The following CTNNA3 variants were observed in gnomAD, a reference collection of about 807,000 sequenced individuals.
CTNNA3 encodes the protein catenin alpha-3.
CTNNA3 carries 76 observed loss-of-function variants against 95.7 expected under a neutral mutation model. That is an observed-to-expected ratio of 0.79 (90% confidence interval 0.66 to 0.96). The LOEUF (loss-of-function observed/expected upper bound fraction) is 0.96. CTNNA3 is among the 40% of genes least tolerant of loss of function. The pLI, the probability that CTNNA3 is intolerant of heterozygous loss-of-function variation, is 0.00. For synonymous variants in CTNNA3, 431 were observed against 374.4 expected (o/e 1.15, Z -1.74); for missense variants, 1,191 against 1,089.8 (o/e 1.09, Z -1.31).
intron 5 of CTNNA3, among the ~76,000 whole-genome samples, chr10:67,407,156 C>T (rs1845167440): frequency 6.6e-6 from 1 of 151,950 alleles, no homozygotes; most frequent in Non-Finnish European, 1.5e-5. Flanking sequence ...AACATTGATA[C>T]CAAAAATCCT....
chr10:67,630,766 T>C (rs1839119519), intron 2 of CTNNA3, among the ~76,000 whole-genome samples: 1 of 152,188 alleles, frequency 6.6e-6, no homozygotes, highest in Non-Finnish European at 1.5e-5. Flanking sequence ...ACATGGGATA[T>C]ATTTACAGTC....
At chr10:66,389,582 A>G (rs1433307529) in intron 11 of CTNNA3, among the ~76,000 whole-genome samples, 1 of 152,118 alleles carries the variant, frequency 6.6e-6, no homozygotes, top group Admixed American at 6.6e-5. Context: ...ATGTTTTACT[A>G]AAAGATACTT....
chr10:67,289,214 T>C (rs1468818380), intron 5 of CTNNA3, among the ~76,000 whole-genome samples: 1 of 152,096 alleles, frequency 6.6e-6, no homozygotes, highest in Non-Finnish European at 1.5e-5. Context: ...CTTTGGAGAG[T>C]ACTGTACTAT....
At chr10:66,597,861 C>T (rs1843779343) in intron 10 of CTNNA3, among the ~76,000 whole-genome samples, 1 of 151,744 alleles carries the variant, frequency 6.6e-6, no homozygotes, top group Non-Finnish European at 1.5e-5. Flanking sequence ...ACCTACCTTA[C>T]AAGAAATGGG....
At chr10:67,746,033 C>T (rs1448012329) in intron 1 of CTNNA3, among the ~76,000 whole-genome samples, 4 of 152,072 alleles carry the variant, frequency 2.6e-5, no homozygotes, top group Admixed American at 6.6e-5. Flanking sequence ...CAACCACTAT[C>T]GAAATACCAA....
At chr10:66,360,909 C>G (rs10997085) in intron 12 of CTNNA3, among the ~76,000 whole-genome samples, 47,830 of 132,412 alleles carry the variant, frequency 0.36, 10,058 homozygotes, top group Non-Finnish European at 0.47. Flanking sequence ...TTCTCTCTCT[C>G]TCTCTCTTTC....
intron 7 of CTNNA3, among the ~76,000 whole-genome samples, chr10:67,060,886 T>A (rs999847522): frequency 2.6e-5 from 4 of 152,322 alleles, no homozygotes; most frequent in African/African-American, 9.6e-5. Flanking sequence ...CTAGTTTTTT[T>A]AAATTGTTTT....
intron 5 of CTNNA3, among the ~76,000 whole-genome samples, chr10:67,368,059 T>C (rs1173359744): frequency 6.6e-6 from 1 of 151,958 alleles, no homozygotes; most frequent in African/African-American, 2.4e-5. Flanking sequence ...GGAAAAGGGC[T>C]TACAGAGCTC....
intron 7 of CTNNA3, among the ~76,000 whole-genome samples, chr10:67,096,509 C>A (rs1023516378): frequency 4.6e-5 from 7 of 151,872 alleles, no homozygotes; most frequent in Non-Finnish European, 1.0e-4. Context: ...ATGGCAGAAG[C>A]TTTTATCCTC....
intron 7 of CTNNA3, chr10:66,926,738 TTAAC>T (rs543818726): frequency 8.0e-4 from 850 of 1,060,372 alleles, no homozygotes; most frequent in Non-Finnish European, 1.0e-3. Flanking sequence ...GTTTCCTTGT[TTAAC>T]TATTTAAAAA....
At chr10:66,263,825 A>G (rs1052851127) in intron 13 of CTNNA3, among the ~76,000 whole-genome samples, 36 of 152,020 alleles carry the variant, frequency 2.4e-4, no homozygotes, top group African/African-American at 7.7e-4. Context: ...TTGATCATCT[A>G]TATTCCCAGA....
intron 9 of CTNNA3, among the ~76,000 whole-genome samples, chr10:66,632,886 A>C (rs1845196271): frequency 6.6e-6 from 1 of 152,136 alleles, no homozygotes; most frequent in South Asian, 2.1e-4. Context: ...AAAATGGACA[A>C]AATATTTAAA....
At chr10:67,727,576 T>A (rs1841244226) in intron 1 of CTNNA3, among the ~76,000 whole-genome samples, 1 of 128,842 alleles carries the variant, frequency 7.8e-6, no homozygotes, top group Non-Finnish European at 1.6e-5. Context: ...ATATGTAGCA[T>A]AATATATGAT....
intron 7 of CTNNA3, among the ~76,000 whole-genome samples, chr10:66,826,043 G>GA (rs1373081364): frequency 6.6e-6 from 1 of 152,150 alleles, no homozygotes; most frequent in Admixed American, 6.5e-5. Flanking sequence ...ATTTTTAGGG[G>GA]AGGAGTGAAA....
rs571463214 is a variant in CTNNA3 at position 66,983,067 on chromosome 10, G to T, written c.1047+197250C>A. 7.9e-5 allele frequency among the ~76,000 whole-genome samples: 12 copies of T among 152,218 alleles called. No individual in the cohort carries two copies. In the South Asian group the frequency reaches 2.5e-3, roughly 32 times the overall value. ...CTGCCGAACTTCCTGGTCAAGCAGGGGTTTTTTGATTTCATAAATCAATTA... is the reference window on the plus strand; with the variant it reads ...CTGCCGAACTTCCTGGTCAAGCAGGTGTTTTTTGATTTCATAAATCAATTA... On this transcript the variant is annotated intron_variant, in intron 7 of 17. Transcript: ENST00000433211.
At chr10:67,043,180 C>A (rs1854515295) in intron 7 of CTNNA3, among the ~76,000 whole-genome samples, 1 of 145,954 alleles carries the variant, frequency 6.9e-6, no homozygotes, top group Non-Finnish European at 1.5e-5. Context: ...GGTCCATTTC[C>A]AACTTTTCTC....
At chr10:67,379,949 A>G (rs1268934483) in intron 5 of CTNNA3, among the ~76,000 whole-genome samples, 2 of 135,600 alleles carry the variant, frequency 1.5e-5, no homozygotes, top group Non-Finnish European at 3.1e-5. Context: ...TGAACCCGGG[A>G]GGCGGAGCTT....
chr10:66,019,407 T>C (rs1322402032), intron 15 of CTNNA3, among the ~76,000 whole-genome samples: 1 of 152,074 alleles, frequency 6.6e-6, no homozygotes, highest in Non-Finnish European at 1.5e-5. Flanking sequence ...CTTGCCTTCA[T>C]GTTGAAGGAT....
chr10:65,945,316 G>A (rs942960599), intron 17 of CTNNA3, among the ~76,000 whole-genome samples: 2 of 152,242 alleles, frequency 1.3e-5, no homozygotes, highest in Middle Eastern at 3.4e-3. Flanking sequence ...GATGACACAT[G>A]CATCAGCATG....
Sources: gnomAD v4.1 joint callset for allele counts (sites outside exome capture counted in the v4.1 genomes callset) on GRCh38, gnomAD v4.1.1 for gene constraint, MANE v1.5 for transcripts, NCBI Gene and HGNC (gene_info 2026-07-23, HGNC 2026-07-21) for gene names.